Variants in GLIPR2 observed in about 807,000 individuals in gnomAD.
The protein encoded by GLIPR2 is GLI pathogenesis related 2.
A neutral mutation model predicts 20.4 loss-of-function variants in GLIPR2; 21 were observed. That is an observed-to-expected ratio of 1.03 (90% CI 0.73 to 1.48). The LOEUF (loss-of-function observed/expected upper bound fraction) is 1.48. GLIPR2 is among the 40% of genes most tolerant of loss of function. The pLI, the probability that GLIPR2 is intolerant of heterozygous loss-of-function variation, is 0.00. For synonymous variants in GLIPR2, 91 were observed against 80.5 expected (o/e 1.13, Z -0.70); for missense variants, 205 against 200.1 (o/e 1.02, Z -0.15).
intron 1 of GLIPR2, among the ~76,000 whole-genome samples, chr9:36,145,469 G>A (rs555000053): frequency 6.6e-6 from 1 of 152,224 alleles, no homozygotes; most frequent in Non-Finnish European, 1.5e-5. Context: ...TGGCTGACTT[G>A]TCTCTGGACC....
At chr9:36,139,332 G>T (rs974546365) in intron 1 of GLIPR2, among the ~76,000 whole-genome samples, 8 of 151,984 alleles carry the variant, frequency 5.3e-5, no homozygotes, top group Non-Finnish European at 7.4e-5. Flanking sequence ...CACACCCAGG[G>T]ACCTTGCAGA....
intron 1 of GLIPR2, among the ~76,000 whole-genome samples, chr9:36,143,758 C>T (rs1825196020): frequency 6.6e-6 from 1 of 152,156 alleles, no homozygotes; most frequent in East Asian, 1.9e-4. Context: ...AAGAGGGACT[C>T]ACCTGCCTGA....
At chr9:36,151,947 TC>T (rs1325537474) in intron 4 of GLIPR2, among the ~76,000 whole-genome samples, 2 of 152,090 alleles carry the variant, frequency 1.3e-5, no homozygotes, top group Non-Finnish European at 2.9e-5. Flanking sequence ...CCCCACCTGT[TC>T]CACCCACAAG....
intron 4 of GLIPR2, among the ~76,000 whole-genome samples, chr9:36,153,363 C>T (rs1825686985): frequency 6.6e-6 from 1 of 152,230 alleles, no homozygotes; most frequent in Non-Finnish European, 1.5e-5. Flanking sequence ...AGGAAAATCC[C>T]AGAGCGGCCA....
At chr9:36,139,307 C>T (rs1214734468) in intron 1 of GLIPR2, among the ~76,000 whole-genome samples, 1 of 152,028 alleles carries the variant, frequency 6.6e-6, no homozygotes, top group Admixed American at 6.6e-5. Flanking sequence ...CACCTCCACC[C>T]CTAACACACA....
intron 4 of GLIPR2, among the ~76,000 whole-genome samples, chr9:36,155,539 AC>A (rs2132769468): frequency 6.6e-6 from 1 of 152,326 alleles, no homozygotes; most frequent in South Asian, 2.1e-4. Flanking sequence ...GGTTGCAGTG[AC>A]ATGAGATCGT....
intron 1 of GLIPR2, among the ~76,000 whole-genome samples, chr9:36,142,175 C>T (rs1367575050): frequency 6.6e-6 from 1 of 152,172 alleles, no homozygotes; most frequent in Non-Finnish European, 1.5e-5. Context: ...CCTTTGTTCA[C>T]TTCAGAGATC....
chr9:36,157,683 A>AACAC (rs567476723), intron 4 of GLIPR2, among the ~76,000 whole-genome samples: 1,986 of 146,312 alleles, frequency 0.014, 30 homozygotes, highest in African/African-American at 0.038. Flanking sequence ...ATATCTGTTA[A>AACAC]ACACACACAC....
intron 1 of GLIPR2, among the ~76,000 whole-genome samples, chr9:36,147,502 G>A (rs939085864): frequency 2.0e-5 from 3 of 152,226 alleles, no homozygotes; most frequent in Admixed American, 6.5e-5. Flanking sequence ...CCCTTTCAGT[G>A]GCTTCCCATT....
intron 1 of GLIPR2, chr9:36,137,007 G>T (rs905545934): frequency 4.3e-6 from 2 of 461,258 alleles, no homozygotes; most frequent in Non-Finnish European, 7.0e-6. Flanking sequence ...CGGGGATCGC[G>T]CCAAGTTGGG....
At chr9:36,148,029 C>A (rs1164094417) in intron 2 of GLIPR2, 135 bp downstream of exon 2, 2 of 687,564 alleles carry the variant, frequency 2.9e-6, no homozygotes, top group Non-Finnish European at 5.4e-6. Flanking sequence ...GGGCGGATCA[C>A]CTGAGGTCAG....
chr9:36,150,480 T>C (rs1238292578), intron 3 of GLIPR2, among the ~76,000 whole-genome samples: 1 of 152,226 alleles, frequency 6.6e-6, no homozygotes. Context: ...GATGACAGTA[T>C]AGTCTCCTAG....
At chr9:36,138,676 G>A (rs1020793895) in intron 1 of GLIPR2, among the ~76,000 whole-genome samples, 4 of 152,236 alleles carry the variant, frequency 2.6e-5, no homozygotes, top group East Asian at 1.9e-4. Flanking sequence ...ACCCAGTGCC[G>A]GGGCGTGCAT....
At chr9:36,138,355 G>A (rs1043629335) in intron 1 of GLIPR2, among the ~76,000 whole-genome samples, 2 of 152,066 alleles carry the variant, frequency 1.3e-5, no homozygotes, top group Non-Finnish European at 2.9e-5. Flanking sequence ...CTCCTGAGTA[G>A]CTGGGATTAC....
chr9:36,150,947 C>CT lies in GLIPR2; in HGVS notation c.303dup (p.Gly102TrpfsTer23). The CT allele has an allele frequency of 6.2e-7, 1 of 1,611,628 alleles. No individual in the cohort carries two copies. Among genetic ancestry groups the CT allele is most frequent in the Non-Finnish European group, 8.5e-7 (1 of 1,177,692 alleles). On this transcript the variant is annotated frameshift_variant and splice_region_variant, in exon 4 of 5. Coordinates refer to ENST00000377960, the MANE Select transcript of GLIPR2 (RefSeq NM_022343.4). LOFTEE classifies it high-confidence loss of function. ...CAGCAGCCTGGCTTCACCTCGGGGA[C>CT]TGGTGAGTGGCAGGGTCTCACCAGT...
chr9:36,136,798 C>A lies in GLIPR2; in HGVS notation c.13+7C>A. The A allele has an allele frequency of 7.7e-7, 1 of 1,300,634 alleles. No homozygotes were observed. The allele number at this position is 1,300,634 out of a possible 1,614,324, so 80.6% of individuals were successfully genotyped here. ...CCGGCCATGGGCAAGTCAGGTGAGC[C>A]CGCGGGCTCGCCCGCTGCGGAATGG... is the stretch of plus-strand genomic sequence containing the variant. On this transcript the variant is annotated splice_region_variant and intron_variant, in intron 1 of 4. Coordinates refer to ENST00000377960, the MANE Select transcript of GLIPR2 (RefSeq NM_022343.4). The surrounding 1 kb of genome is among the most constrained non-coding windows in gnomAD (Gnocchi z 4.3).
rs1417820060 is a variant in GLIPR2, at chr9:36,162,917, T to C, written c.*395T>C. The C allele has an allele frequency of 4.4e-6, 2 of 457,898 alleles. No individual in the cohort carries two copies. The highest frequency in any genetic ancestry group is 1.6e-5 in the South Asian group (1 of 63,464). The allele number at this position is 457,898 out of a possible 1,614,324, so 28.4% of individuals were successfully genotyped here. A position where few individuals can be genotyped will look rare whatever the true frequency, so the allele number is the denominator to read the frequency against. On this transcript the variant is annotated 3_prime_UTR_variant, in exon 5 of 5. Transcript: ENST00000377960. ...TGAAGTTCATTTTATGTGATCTTCATGCGTCGTAATCTACTTTTGGTAGAT... is the reference window on the plus strand; with the variant it reads ...TGAAGTTCATTTTATGTGATCTTCACGCGTCGTAATCTACTTTTGGTAGAT...
intron 4 of GLIPR2, among the ~76,000 whole-genome samples, chr9:36,151,940 C>A (rs989512466): frequency 6.6e-6 from 1 of 152,170 alleles, no homozygotes; most frequent in African/African-American, 2.4e-5. Flanking sequence ...CCTCCTACCC[C>A]ACCTGTTCCA....
chr9:36,147,621 G>A (rs1021523372), intron 1 of GLIPR2, among the ~76,000 whole-genome samples, 165 bp from the exon 2 acceptor site: 2 of 152,258 alleles, frequency 1.3e-5, no homozygotes, highest in Non-Finnish European at 2.9e-5. Flanking sequence ...GGTGAGCAGT[G>A]GCGTGGAGCA....
Sources: allele counts gnomAD v4.1 joint callset (sites outside exome capture counted in the v4.1 genomes callset), GRCh38; gene constraint gnomAD v4.1.1; non-coding constraint Gnocchi (gnomAD v3.1); transcripts MANE v1.5; gene names NCBI Gene and HGNC (gene_info 2026-07-23, HGNC 2026-07-21).